Variants in WDCP observed in about 807,000 individuals in gnomAD.
WDCP encodes the protein WD repeat and coiled-coil-containing protein.
Under a neutral mutation model 41.6 loss-of-function variants are expected in WDCP, and 19 were observed. The observed-to-expected ratio is 0.46, with a 90% CI of 0.32 to 0.67. The LOEUF (loss-of-function observed/expected upper bound fraction) is 0.67, where lower values mean the gene tolerates loss of function less well. Among genes scored for constraint, WDCP ranks in the 30% least tolerant of loss-of-function variants. WDCP has a pLI of 0.04. For missense variants in WDCP, 802 were observed against 850.7 expected, an observed-to-expected ratio of 0.94 and a Z score of 0.71; for synonymous variants, 302 against 320.8, an observed-to-expected ratio of 0.94 and a Z score of 0.63.
rs541823640 is a variant in WDCP at position 24,033,034 on chromosome 2, T to A, written c.1819-88A>T. ...AGAAAGGAATGTGTAAATAGTTTTT[T>A]AAAAAATTCTTATCTATTACCACTA... On this transcript the variant is annotated intron_variant, in intron 2 of 3. Transcript: ENST00000295148. 4.3e-5 allele frequency: 38 copies of A among 886,174 alleles called. No homozygotes were observed. The East Asian group carries it at 8.8e-4, about 21-fold the overall frequency. 54.9% of individuals were successfully genotyped at this position (886,174 alleles called of 1,614,324 possible).
At chr2:24,044,833 AAAAAAAAAGCACAGCGGTG>A (rs1317846111) in intron 1 of WDCP, among the ~76,000 whole-genome samples, 2 of 150,992 alleles carry the variant, frequency 1.3e-5, no homozygotes, top group Non-Finnish European at 2.9e-5. Context: ...AAAAAAAAAA[AAAAAAAAAGCACAGCGGTG>A]ATCATTTTGC....
chr2:24,039,254 G>A lies in WDCP; in HGVS notation c.241C>T (p.His81Tyr). The change falls in exon 2 of 4, where the codon CAT (histidine) becomes TAT (tyrosine). Residue 81 changes from histidine (H) to tyrosine (Y), a missense_variant. Physicochemically the swap from His to Tyr is moderately conservative, Grantham distance 83 (BLOSUM62 2). This residue lies in a region of WDCP where 214 missense variants were observed against 252.9 expected (regional missense o/e 0.85). Coordinates refer to ENST00000295148, the MANE Select transcript of WDCP (RefSeq NM_025203.3). ...DDTPVLLAVQ[H>Y]EKHVTVWQLC... is the part of the protein sequence containing the mutation. ...TGCCACACAGTGACATGCTTCTCAT[G>A]CTGGACAGCGAGTAGAACAGGTGTA... 1 of 1,614,230 alleles carries A rather than the reference G, an allele frequency of 6.2e-7. No homozygotes were observed. The highest frequency in any genetic ancestry group is 1.1e-5 in the South Asian group (1 of 91,084).
intron 1 of WDCP, among the ~76,000 whole-genome samples, chr2:24,046,536 T>C (rs1663632010): frequency 6.6e-6 from 1 of 152,186 alleles, no homozygotes; most frequent in African/African-American, 2.4e-5. Context: ...TATATAACCA[T>C]TTAATTCTGT....
rs1188451726 is a variant in WDCP at position 24,039,159 on chromosome 2, T to C, written c.336A>G (p.Leu112=). 6 of 1,614,214 alleles carry C rather than the reference T, an allele frequency of 3.7e-6. No individual in the cohort carries two copies. Among genetic ancestry groups the C allele is most frequent in the Middle Eastern group, 1.7e-4 (1 of 6,060 alleles). ...TSQTCEIRGS[L]PILPQGCVWH... is the part of the protein sequence containing the mutation. ...ACACACAGCCCTGGGGAAGGATAGG[T>C]AGTGATCCTCTAATCTCACAAGTCT... is the stretch of plus-strand genomic sequence containing the variant. The change falls in exon 2 of 4, where the codon CTA becomes CTG. Residue 112 remains leucine, a synonymous_variant. Transcript: ENST00000295148.
At chr2:24,046,262 A>C (rs1462877543) in intron 1 of WDCP, among the ~76,000 whole-genome samples, 2 of 152,220 alleles carry the variant, frequency 1.3e-5, no homozygotes, top group African/African-American at 2.4e-5. Flanking sequence ...CATAGGGTTA[A>C]TCATTAAAGT....
chr2:24,033,726 G>A (rs1161237124), intron 2 of WDCP, among the ~76,000 whole-genome samples: 1 of 152,170 alleles, frequency 6.6e-6, no homozygotes, highest in Admixed American at 6.6e-5. Context: ...GAGTGACAGA[G>A]ACAGACTCCA....
chr2:24,045,321 G>T (rs934724602), intron 1 of WDCP, among the ~76,000 whole-genome samples: 14 of 152,306 alleles, frequency 9.2e-5, no homozygotes, highest in African/African-American at 3.4e-4. Context: ...GGCAGGGCAG[G>T]CTGGGTGTGG....
At chr2:24,044,536 G>A (rs920837849) in intron 1 of WDCP, among the ~76,000 whole-genome samples, 5 of 152,124 alleles carry the variant, frequency 3.3e-5, no homozygotes, top group African/African-American at 1.2e-4. Flanking sequence ...CAAAGTGCTA[G>A]GATTACAGGC....
chr2:24,043,673 C>A (rs1663522658), intron 1 of WDCP, among the ~76,000 whole-genome samples: 1 of 152,184 alleles, frequency 6.6e-6, no homozygotes, highest in Non-Finnish European at 1.5e-5. Context: ...CAAAACATCT[C>A]TCACCAGGCC....
In WDCP at chr2:24,031,109, AG is replaced by A; in HGVS notation, c.1989del (p.Phe664SerfsTer7). 1 of 1,614,206 alleles carries A rather than the reference AG, an allele frequency of 6.2e-7. No homozygotes were observed. Among genetic ancestry groups the A allele is most frequent in the Non-Finnish European group, 8.5e-7 (1 of 1,180,030 alleles). Reference sequence around the variant, plus strand: ...ATGATTATTTCCTGTGTGGCTGTGAAGGTTAACGGGATAAAGCCCTCACTGT... The same window carrying A: ...ATGATTATTTCCTGTGTGGCTGTGAAGTTAACGGGATAAAGCCCTCACTGT... ...SADSEGFIPLTFTATQEIIIR... is the reference protein window; with the variant it reads ...SADSEGFIPLXFTATQEIIIR... On this transcript the variant is annotated frameshift_variant, in exon 4 of 4. Transcript: ENST00000295148. LOFTEE classifies it low-confidence loss of function (END_TRUNC).
Position 24,038,430 on chromosome 2 carries a change from T to C in WDCP, c.1065A>G (p.Ala355=), listed in dbSNP as rs777585038. Residue 355 remains alanine, a synonymous_variant, in exon 2 of 4, where the codon GCA becomes GCG. Coordinates refer to ENST00000295148, the MANE Select transcript of WDCP (RefSeq NM_025203.3). ...TTATATTACAAGTGTTGGAAGCCAC[T>C]GCCACTACGTGGGCTTTAAGATTAA... ...IAFNLKAHVV[A]VASNTCNIIL... The C allele has an allele frequency of 6.2e-7, 1 of 1,614,164 alleles. No homozygotes were observed. The highest frequency in any genetic ancestry group is 2.2e-5 in the East Asian group (1 of 44,886).
chr2:24,031,569 A>G (rs991660607), intron 3 of WDCP, among the ~76,000 whole-genome samples: 1 of 152,176 alleles, frequency 6.6e-6, no homozygotes, highest in Non-Finnish European at 1.5e-5. Flanking sequence ...GCTCACGCCT[A>G]TAATCCCACC....
chr2:24,035,503 T>A (rs1411846119), intron 2 of WDCP, among the ~76,000 whole-genome samples: 1 of 151,964 alleles, frequency 6.6e-6, no homozygotes, highest in Non-Finnish European at 1.5e-5. Flanking sequence ...TTAAACCAAA[T>A]AAATGAATTA....
rs749015964 is a variant in WDCP at position 24,039,334 on chromosome 2, A to G, written c.161T>C (p.Ile54Thr). ...GEVKFGDSKV[I>T]GQFECVCGLS... ...CCCACAGACACATTCAAACTGTCCA[A>G]TGACTTTGGAGTCCCCAAACTTGAC... is the stretch of plus-strand genomic sequence containing the variant. The change falls in exon 2 of 4, where the codon ATT (isoleucine) becomes ACT (threonine). Residue 54 changes from isoleucine to threonine, a missense_variant. Coordinates refer to ENST00000295148, the MANE Select transcript of WDCP (RefSeq NM_025203.3). 3 of 1,614,220 alleles carry G rather than the reference A, an allele frequency of 1.9e-6. No homozygotes were observed. The highest frequency in any genetic ancestry group is 4.5e-5 in the East Asian group (2 of 44,888).
chr2:24,032,496 C>T (rs1349017778), intron 3 of WDCP, among the ~76,000 whole-genome samples: 1 of 152,168 alleles, frequency 6.6e-6, no homozygotes, highest in East Asian at 1.9e-4. Context: ...GAGCAAGACT[C>T]CATCTCCAAA....
Position 24,038,248 on chromosome 2 carries a change from G to C in WDCP, c.1247C>G (p.Ser416Cys). The change falls in exon 2 of 4, where the codon TCT becomes TGT. Residue 416 changes from serine (S) to cysteine (C), a missense_variant. By Grantham distance (112) the Ser-to-Cys change is moderately radical. Transcript: ENST00000295148. ...AATGGCATACTGATCAGACTTTGAAGAAGGAAGAAATGTTGTATCAGTGAG... is the reference window on the plus strand; with the variant it reads ...AATGGCATACTGATCAGACTTTGAACAAGGAAGAAATGTTGTATCAGTGAG... ...QKLTDTTFLP[S>C]SKSDQYAISL... The C allele has an allele frequency of 6.2e-7, 1 of 1,614,100 alleles. No individual in the cohort carries two copies. Among genetic ancestry groups the C allele is most frequent in the East Asian group, 2.2e-5 (1 of 44,876 alleles).
intron 1 of WDCP, among the ~76,000 whole-genome samples, chr2:24,043,779 C>T (rs1025840121): frequency 1.1e-4 from 16 of 152,104 alleles, no homozygotes; most frequent in African/African-American, 3.9e-4. Flanking sequence ...TGTCTTCAGA[C>T]TCTAAATCCA....
Position 24,037,755 on chromosome 2 carries a change from G to C in WDCP, c.1740C>G (p.Asn580Lys), listed in dbSNP as rs746029896. 18 of 1,614,212 alleles carry C rather than the reference G, an allele frequency of 1.1e-5. No individual in the cohort carries two copies. The South Asian group carries it at 1.9e-4, about 17-fold the overall frequency. ...EMQRCLSELT[N>K]RLHNGKKSSS... ...AGGATTTCTTCCCATTATGCAGACGGTTTGTAAGTTCAGAAAGACACCGTT... is the reference window on the plus strand; with the variant it reads ...AGGATTTCTTCCCATTATGCAGACGCTTTGTAAGTTCAGAAAGACACCGTT... The change falls in exon 2 of 4, where the codon AAC becomes AAG. Residue 580 changes from asparagine (N) to lysine (K), a missense_variant. This residue lies in a region of WDCP where 321 missense variants were observed against 305.1 expected (regional missense o/e 1.05). Transcript: ENST00000295148.
intron 3 of WDCP, among the ~76,000 whole-genome samples, 186 bp from the exon 4 acceptor site, chr2:24,031,348 G>A (rs1379789367): frequency 6.6e-6 from 1 of 152,028 alleles, no homozygotes; most frequent in South Asian, 2.1e-4. Flanking sequence ...TCAGGTAGGA[G>A]AAAAAGGGGA....
Sources: gnomAD v4.1 joint callset for allele counts (sites outside exome capture counted in the v4.1 genomes callset) on GRCh38, gnomAD v4.1.1 for gene constraint, gnomAD v4.1.1 regional missense constraint, MANE v1.5 for transcripts, NCBI Gene and HGNC (gene_info 2026-07-23, HGNC 2026-07-21) for gene names.